Variants in ZNHIT3 observed in about 807,000 individuals in gnomAD.
ZNHIT3 encodes the protein zinc finger HIT-type containing 3.
ZNHIT3 carries 27 observed loss-of-function variants against 19.9 expected under a neutral mutation model. That is an observed-to-expected ratio of 1.36 (90% CI 1.00 to 1.87). The LOEUF (loss-of-function observed/expected upper bound fraction) is 1.87. Among genes scored for constraint, ZNHIT3 ranks in the 40% most tolerant of loss-of-function variants. The pLI, the probability that ZNHIT3 is intolerant of heterozygous loss-of-function variation, is 0.00. For synonymous variants in ZNHIT3, 81 were observed against 65.7 expected, an observed-to-expected ratio of 1.23 and a Z score of -1.13; for missense variants, 215 against 185.6, an observed-to-expected ratio of 1.16 and a Z score of -0.92.
intron 4 of ZNHIT3, 51 bp from the exon 5 acceptor site, chr17:36,495,172 C>T (rs1336678365): frequency 6.6e-7 from 1 of 1,523,770 alleles, no homozygotes; most frequent in East Asian, 2.3e-5. Flanking sequence ...CAGCCATCTC[C>T]ATGTGTTTCC....
At chr17:36,488,608 A>AGG (rs1247781514) in intron 2 of ZNHIT3, among the ~76,000 whole-genome samples, 7 of 152,206 alleles carry the variant, frequency 4.6e-5, no homozygotes, top group African/African-American at 1.7e-4. Flanking sequence ...ACTGACTTAA[A>AGG]GGACTGTATG....
chr17:36,487,366 G>A lies in ZNHIT3; in HGVS notation c.118+400G>A, dbSNP rs1253863980. On this transcript the variant is annotated intron_variant, in intron 2 of 4. Transcript: ENST00000617429. ...GCTAACTTTAACAGTATTTTCACTCGTGTAAATAATGTCTTGTTAGAAACA... is the reference window on the plus strand; with the variant it reads ...GCTAACTTTAACAGTATTTTCACTCATGTAAATAATGTCTTGTTAGAAACA... Among the ~76,000 whole-genome samples the A allele has an allele frequency of 4.6e-5, 7 of 152,152 alleles. No individual in the cohort carries two copies. The South Asian group carries it at 1.2e-3, about 27-fold the overall frequency.
At chr17:36,488,579 T>C (rs1043260602) in intron 2 of ZNHIT3, among the ~76,000 whole-genome samples, 4 of 152,232 alleles carry the variant, frequency 2.6e-5, no homozygotes, top group Admixed American at 1.3e-4. Flanking sequence ...TAAAGACTAG[T>C]GCATACAAGT....
At chr17:36,493,228 G>C in intron 3 of ZNHIT3, 1 of 378,598 alleles carries the variant, frequency 2.6e-6, no homozygotes, top group Non-Finnish European at 4.8e-6. Context: ...AATCTGGCTG[G>C]GACTGTCAGT....
chr17:36,493,135 G>T, intron 3 of ZNHIT3: 1 of 575,506 alleles, frequency 1.7e-6, no homozygotes. Context: ...GATGAGAAAG[G>T]CCATGGCTGT....
downstream of ZNHIT3, chr17:36,498,388 T>C: frequency 1.2e-6 from 2 of 1,614,006 alleles, no homozygotes; most frequent in Non-Finnish European, 1.7e-6. Context: ...CTCTGAAAGC[T>C]GCCTACACCC....
intron 2 of ZNHIT3, among the ~76,000 whole-genome samples, chr17:36,487,219 C>T (rs747916727): frequency 8.5e-5 from 13 of 152,138 alleles, no homozygotes; most frequent in Non-Finnish European, 1.3e-4. Context: ...CCCGCTTCTC[C>T]TTCTGCGTGT....
At chr17:36,495,913 C>T, downstream of ZNHIT3, 1 of 1,168,744 alleles carries the variant, frequency 8.6e-7, no homozygotes, top group Non-Finnish European at 1.1e-6. Flanking sequence ...TGTTTTCTTC[C>T]AAAAGTGCTT....
intron 3 of ZNHIT3, 109 bp downstream of exon 3, chr17:36,493,008 G>A (rs985974445): frequency 9.9e-7 from 1 of 1,009,270 alleles, no homozygotes; most frequent in Non-Finnish European, 1.5e-6. Flanking sequence ...AGCTTCATTG[G>A]GAAGGAACAG....
intron 4 of ZNHIT3, among the ~76,000 whole-genome samples, chr17:36,494,427 C>G (rs2070822209): frequency 6.6e-6 from 1 of 152,182 alleles, no homozygotes; most frequent in African/African-American, 2.4e-5. Flanking sequence ...TCCCAGATCC[C>G]CAGTGCTCAG....
At chr17:36,487,283 C>G (rs1022767263) in intron 2 of ZNHIT3, among the ~76,000 whole-genome samples, 1 of 125,818 alleles carries the variant, frequency 7.9e-6, no homozygotes. Context: ...CGAGGTCTAC[C>G]CTAGCAGTTT....
chr17:36,498,949 C>G (rs2071250011), downstream of ZNHIT3: 2 of 715,418 alleles, frequency 2.8e-6, no homozygotes, highest in East Asian at 5.5e-5. Flanking sequence ...ATATGAGGCT[C>G]AGAGAGGCTA....
At chr17:36,494,036 GA>G (rs2070798773) in intron 4 of ZNHIT3, 30 bp downstream of exon 4, 2 of 1,521,782 alleles carry the variant, frequency 1.3e-6, no homozygotes, top group African/African-American at 2.7e-5. Flanking sequence ...GTCAATCGTT[GA>G]GATACATTTA....
rs2070595212 is a variant in ZNHIT3 at position 36,487,390 on chromosome 17, CAA to C, written c.118+426_118+427del. Among the ~76,000 whole-genome samples the C allele has an allele frequency of 3.3e-5, 5 of 152,252 alleles. No individual in the cohort carries two copies. The East Asian group carries it at 7.7e-4, about 23-fold the overall frequency. Reference sequence around the variant, plus strand: ...CGTGTAAATAATGTCTTGTTAGAAACAAAGAGGTAAGTCCATGTACAATACAA... The same window carrying C: ...CGTGTAAATAATGTCTTGTTAGAAACAGAGGTAAGTCCATGTACAATACAA... On this transcript the variant is annotated intron_variant, in intron 2 of 4. Coordinates refer to ENST00000617429, the MANE Select transcript of ZNHIT3 (RefSeq NM_004773.4).
In ZNHIT3 at chr17:36,492,902, G is replaced by A. The variant is rs2070760051; in HGVS notation, c.205+3G>A. ...CGTAAAGCCTGTGGAAAACAAAGGT[G>A]GGTTGGTTGACTTCAAACAAATCTA... On this transcript the variant is annotated splice_donor_region_variant and intron_variant, in intron 3 of 4. Coordinates refer to ENST00000617429, the MANE Select transcript of ZNHIT3 (RefSeq NM_004773.4). The A allele has an allele frequency of 4.3e-6, 7 of 1,614,078 alleles. No individual in the cohort carries two copies. The highest frequency in any genetic ancestry group is 5.9e-6 in the Non-Finnish European group (7 of 1,179,966).
chr17:36,488,307 T>C (rs2070635518), intron 2 of ZNHIT3, among the ~76,000 whole-genome samples: 1 of 151,526 alleles, frequency 6.6e-6, no homozygotes, highest in African/African-American at 2.4e-5. Flanking sequence ...CACTTTGGGA[T>C]GCCAAGGTGG....
chr17:36,495,708 G>A lies in ZNHIT3; in HGVS notation c.*304G>A, dbSNP rs1233399915. On this transcript the variant is annotated 3_prime_UTR_variant, in exon 5 of 5. Coordinates refer to ENST00000617429, the MANE Select transcript of ZNHIT3 (RefSeq NM_004773.4). ...CGATATCAAGCTTACACTTCATATGGAGTTAAACTTGGTCAGTGTTAATAA... is the reference window on the plus strand; with the variant it reads ...CGATATCAAGCTTACACTTCATATGAAGTTAAACTTGGTCAGTGTTAATAA... 1.6e-6 allele frequency: 2 copies of A among 1,253,262 alleles called. No homozygotes were observed. Among genetic ancestry groups the A allele is most frequent in the African/African-American group, 3.1e-5 (2 of 64,854 alleles). 77.6% of individuals were successfully genotyped at this position (1,253,262 alleles called of 1,614,324 possible).
downstream of ZNHIT3, chr17:36,499,078 C>T (rs1161612547): frequency 6.2e-7 from 1 of 1,606,692 alleles, no homozygotes; most frequent in South Asian, 1.1e-5. Context: ...TACTTACTCT[C>T]CACTTCTGCC....
intron 2 of ZNHIT3, 66 bp from the exon 3 acceptor site, chr17:36,492,747 G>A: frequency 1.4e-6 from 2 of 1,431,720 alleles, no homozygotes; most frequent in Non-Finnish European, 2.0e-6. Flanking sequence ...TGCTACCTTG[G>A]TAGGGAGGTG....
Sources: allele counts gnomAD v4.1 joint callset (sites outside exome capture counted in the v4.1 genomes callset), GRCh38; gene constraint gnomAD v4.1.1; transcripts MANE v1.5; gene names NCBI Gene and HGNC (gene_info 2026-07-23, HGNC 2026-07-21).